The following NUP188 variants were observed in gnomAD, a reference collection of about 807,000 sequenced individuals.
NUP188 encodes nucleoporin 188, also known as nucleoporin NUP188.
Under a neutral mutation model 223.0 loss-of-function variants are expected in NUP188, and 97 were observed. The ratio of observed to expected loss-of-function variants is 0.43; its 90% CI spans 0.37 to 0.51. NUP188 has a LOEUF of 0.51. Among genes scored for constraint, NUP188 ranks in the 20% least tolerant of loss-of-function variants. The probability of loss-of-function intolerance (pLI) is 0.00; values close to 1 mark genes in which losing one functional copy is unlikely to be tolerated. For synonymous variants in NUP188, 869 were observed against 828.0 expected (o/e 1.05, Z -0.85); for missense variants, 1,947 against 2,175.6 (o/e 0.89, Z 2.09).
chr9:128,947,989 C>T (rs1314031015), intron 1 of NUP188: 4 of 387,998 alleles, frequency 1.0e-5, no homozygotes, highest in East Asian at 3.7e-5. Flanking sequence ...GCTCGGCCTC[C>T]CATCTCCTCA....
At chr9:128,984,459 C>G (rs1842304966) in intron 19 of NUP188, among the ~76,000 whole-genome samples, 1 of 152,180 alleles carries the variant, frequency 6.6e-6, no homozygotes, top group Non-Finnish European at 1.5e-5. Flanking sequence ...CAACATCAAT[C>G]ACGTTAGTAT....
rs755016280 is a variant in NUP188, at chr9:129,006,880, G to A, written c.*202G>A. Reference sequence around the variant, plus strand: ...AGGTCAACAGCAGGCATGGGGAGCCGAGTCTTCTGTGCTCAGGTCCTCACG... The same window carrying A: ...AGGTCAACAGCAGGCATGGGGAGCCAAGTCTTCTGTGCTCAGGTCCTCACG... On this transcript the variant is annotated 3_prime_UTR_variant, in exon 44 of 44. Coordinates refer to ENST00000372577, the MANE Select transcript of NUP188 (RefSeq NM_015354.3). 9 of 513,038 alleles carry A rather than the reference G, an allele frequency of 1.8e-5. No individual in the cohort carries two copies. Among genetic ancestry groups the A allele is most frequent in the East Asian group, 9.8e-5 (3 of 30,752 alleles). 31.8% of individuals were successfully genotyped at this position (513,038 alleles called of 1,614,324 possible).
chr9:128,990,734 A>G (rs917915112), intron 25 of NUP188, among the ~76,000 whole-genome samples: 75 of 152,232 alleles, frequency 4.9e-4, no homozygotes, highest in African/African-American at 1.7e-3. Context: ...GCATTATGGC[A>G]GGCGCCTGTA....
At chr9:128,966,464 C>G (rs1399648258) in intron 8 of NUP188, among the ~76,000 whole-genome samples, 3 of 151,774 alleles carry the variant, frequency 2.0e-5, no homozygotes, top group African/African-American at 7.3e-5. Context: ...GCAGCCTTGA[C>G]CTCCTGGGCT....
intron 8 of NUP188, among the ~76,000 whole-genome samples, chr9:128,964,007 G>A (rs553552003): frequency 1.3e-5 from 2 of 151,958 alleles, no homozygotes; most frequent in African/African-American, 4.8e-5. Context: ...GTAGAGACAG[G>A]GTTTCACCGT....
rs746645840 is a variant in NUP188 at position 128,999,662 on chromosome 9, G to A, written c.3700G>A (p.Val1234Ile). 4 of 1,614,150 alleles carry A rather than the reference G, an allele frequency of 2.5e-6. No individual in the cohort carries two copies. In the South Asian group the frequency reaches 4.4e-5, roughly 18 times the overall value. Residue 1234 changes from valine (V) to isoleucine (I), a missense_variant, in exon 34 of 44, where the codon GTC (valine) becomes ATC (isoleucine). Val to Ile is a conservative substitution (Grantham distance 29, BLOSUM62 3). Transcript: ENST00000372577. ...IPQYSQLVLN[V>I]CETLQEEVIA... The stretch of plus-strand genomic sequence containing the variant: ...CCAGTACTCCCAGCTGGTGCTGAAT[G>A]TCTGTGAGACCCTCCAAGAGGAAGT...
Position 129,003,380 on chromosome 9 carries a change from G to A in NUP188, c.4360G>A (p.Gly1454Ser). ...CCTGGAGGAGGCGGACCACACCGTG[G>A]GTTTTATTCTGCAGCTCTCTAACTT... ...ACLEEADHTV[G>S]FILQLSNFMK... The change falls in exon 38 of 44, where the codon GGT (glycine) becomes AGT (serine). Residue 1454 changes from glycine to serine, a missense_variant. Gly to Ser is a moderately conservative substitution (Grantham distance 56). Coordinates refer to ENST00000372577, the MANE Select transcript of NUP188 (RefSeq NM_015354.3). 6.2e-7 allele frequency: 1 copy of A among 1,613,488 alleles called. No individual in the cohort carries two copies. The highest frequency in any genetic ancestry group is 8.5e-7 in the Non-Finnish European group (1 of 1,180,012).
chr9:128,970,237 T>C (rs1468212383), intron 10 of NUP188, among the ~76,000 whole-genome samples: 1 of 152,128 alleles, frequency 6.6e-6, no homozygotes, highest in African/African-American at 2.4e-5. Context: ...CTCTACAATG[T>C]TAAACAGTTG....
intron 37 of NUP188, 90 bp from the exon 38 acceptor site, chr9:129,003,227 G>A (rs1193155422): frequency 6.8e-7 from 1 of 1,463,552 alleles, no homozygotes; most frequent in African/African-American, 1.4e-5. Flanking sequence ...TTGGGGGCCT[G>A]GGACGTTGCC....
At chr9:128,979,145 C>A (rs1842220261) in intron 12 of NUP188, 117 bp from the exon 13 acceptor site, 1 of 652,894 alleles carries the variant, frequency 1.5e-6, no homozygotes, top group African/African-American at 1.8e-5. Context: ...TTGAAGTGGT[C>A]TTCCCACTTT....
At chr9:129,001,480 C>G in intron 34 of NUP188, 49 bp from the exon 35 acceptor site, 1 of 1,578,882 alleles carries the variant, frequency 6.3e-7, no homozygotes, top group Non-Finnish European at 8.7e-7. Context: ...TCGTCCTCTT[C>G]CTCCTCCTCT....
At chr9:129,004,983 T>TGAGGGAAGGAGGGAGAGAAGGGGAGCAG in intron 38 of NUP188, 164 bp from the exon 39 acceptor site, 3 of 643,418 alleles carry the variant, frequency 4.7e-6, no homozygotes, top group Admixed American at 2.5e-5. Context: ...AAGGGGAGCA[T>TGAGGGAAGGAGGGAGAGAAGGGGAGCAG]GAGGGAAGGA....
chr9:129,002,769 C>T, intron 36 of NUP188, 48 bp from the exon 37 acceptor site: 3 of 1,590,178 alleles, frequency 1.9e-6, no homozygotes, highest in Non-Finnish European at 2.6e-6. Flanking sequence ...ACAAGGAGGT[C>T]CTGCCTCTCA....
At chr9:128,979,736 A>G (rs888694587) in intron 13 of NUP188, among the ~76,000 whole-genome samples, 1 of 152,044 alleles carries the variant, frequency 6.6e-6, no homozygotes, top group East Asian at 1.9e-4. Context: ...GGGTTCAAGC[A>G]GTTCTCCTGC....
At chr9:129,004,978 G>GA (rs1842751857) in intron 38 of NUP188, 169 bp from the exon 39 acceptor site, 2 of 639,120 alleles carry the variant, frequency 3.1e-6, no homozygotes, top group Non-Finnish European at 5.6e-6. Flanking sequence ...GAGAGAAGGG[G>GA]AGCATGAGGG....
intron 25 of NUP188, among the ~76,000 whole-genome samples, chr9:128,992,169 T>G (rs896797743): frequency 1.3e-5 from 2 of 152,018 alleles, no homozygotes; most frequent in African/African-American, 4.8e-5. Flanking sequence ...GTGCTGGGAT[T>G]ACAGGCATGA....
intron 11 of NUP188, among the ~76,000 whole-genome samples, chr9:128,972,907 C>T (rs1337516028): frequency 6.6e-6 from 1 of 152,104 alleles, no homozygotes; most frequent in Non-Finnish European, 1.5e-5. Flanking sequence ...TCTTTTTCCC[C>T]ACACAAACTT....
chr9:128,959,753 T>C (rs1841921034), intron 8 of NUP188, among the ~76,000 whole-genome samples: 1 of 151,890 alleles, frequency 6.6e-6, no homozygotes, highest in African/African-American at 2.4e-5. Flanking sequence ...TTGGCCAGGC[T>C]GGTCTCGAAC....
At position 129,006,998 on chromosome 9, in the gene NUP188, C is replaced by T. The variant is rs1057305076; in HGVS notation, c.*320C>T. 1.4e-5 allele frequency: 4 copies of T among 282,282 alleles called. No individual in the cohort carries two copies. Among genetic ancestry groups the T allele is most frequent in the African/African-American group, 2.2e-5 (1 of 45,692 alleles). The allele number at this position is 282,282 out of a possible 1,614,324, so 17.5% of individuals were successfully genotyped here. On this transcript the variant is annotated 3_prime_UTR_variant, in exon 44 of 44. Coordinates refer to ENST00000372577, the MANE Select transcript of NUP188 (RefSeq NM_015354.3). ...AGAGGCGGCAGCCCAGCAGAGGGCT[C>T]TATGCACGGGTTTCAAACCTGTTTT...
Sources: gnomAD v4.1 joint callset for allele counts (sites outside exome capture counted in the v4.1 genomes callset) on GRCh38, gnomAD v4.1.1 for gene constraint, MANE v1.5 for transcripts, NCBI Gene and HGNC (gene_info 2026-07-23, HGNC 2026-07-21) for gene names.